Variants in CLNS1A observed in about 807,000 individuals in gnomAD.
CLNS1A encodes chloride nucleotide-sensitive channel 1A.
In CLNS1A, 16 loss-of-function variants were observed where a neutral mutation model predicts 29.4. That is an observed-to-expected ratio of 0.54 (90% CI 0.37 to 0.83). The LOEUF (loss-of-function observed/expected upper bound fraction) is 0.83. Ranked by LOEUF, CLNS1A falls within the 40% of genes least tolerant of loss-of-function variation. The probability of loss-of-function intolerance (pLI) is 0.00; values close to 1 mark genes in which losing one functional copy is unlikely to be tolerated. For synonymous variants in CLNS1A, 96 were observed against 104.8 expected (o/e 0.92, Z 0.51); for missense variants, 235 against 287.4 (o/e 0.82, Z 1.32).
At chr11:77,630,039 A>C (rs1565128811) in intron 1 of CLNS1A, 140 bp from the exon 2 acceptor site, 4 of 701,478 alleles carry the variant, frequency 5.7e-6, no homozygotes, top group Non-Finnish European at 9.0e-6. Flanking sequence ...TTCATAAAAT[A>C]AGAAAATTCA....
intron 4 of CLNS1A, among the ~76,000 whole-genome samples, chr11:77,624,687 C>T (rs1359804069): frequency 1.3e-5 from 2 of 152,036 alleles, no homozygotes; most frequent in African/African-American, 4.8e-5. Context: ...GGCGTGGTGG[C>T]GCATGCCTGT....
chr11:77,626,869 T>C lies in CLNS1A; in HGVS notation c.263-1051A>G, dbSNP rs1959025294. 7.6e-5 allele frequency among the ~76,000 whole-genome samples: 8 copies of C among 105,244 alleles called. No homozygotes were observed. In the Admixed American group the frequency reaches 8.4e-4, roughly 11 times the overall value. 69.0% of individuals were successfully genotyped at this position (105,244 alleles called of 152,430 possible). A position where few individuals can be genotyped will look rare whatever the true frequency, so the allele number is the denominator to read the frequency against. On this transcript the variant is annotated intron_variant, in intron 2 of 6. Coordinates refer to ENST00000525428, the MANE Select transcript of CLNS1A (RefSeq NM_001293.3). The stretch of plus-strand genomic sequence containing the variant: ...ACCACACCTGGCTAATTTTTTTGTA[T>C]TTTTTTTAGTAAAGACGGGGTTTCA...
chr11:77,621,159 G>T (rs1444578001), intron 5 of CLNS1A, among the ~76,000 whole-genome samples: 1 of 152,112 alleles, frequency 6.6e-6, no homozygotes, highest in Non-Finnish European at 1.5e-5. Flanking sequence ...AGCTGGGCAC[G>T]ATAGTAGTGG....
rs73500792 is a variant in CLNS1A at position 77,618,944 on chromosome 11, C to T, written c.*22+662G>A. On this transcript the variant is annotated intron_variant, in intron 6 of 6. Transcript: ENST00000525428. ...CTTTAGTAAAATAAAAGGAGGCTAGCGAGAGCATCTCAAAGACTGGAGGAT... is the reference window on the plus strand; with the variant it reads ...CTTTAGTAAAATAAAAGGAGGCTAGTGAGAGCATCTCAAAGACTGGAGGAT... 5.6e-3 allele frequency among the ~76,000 whole-genome samples: 850 copies of T among 152,224 alleles called. 9 individuals carry two copies. Among genetic ancestry groups the T allele is most frequent in the African/African-American group, 0.02 (814 of 41,536 alleles).
chr11:77,620,264 T>C (rs966282388), intron 5 of CLNS1A, among the ~76,000 whole-genome samples: 1 of 152,178 alleles, frequency 6.6e-6, no homozygotes, highest in African/African-American at 2.4e-5. Context: ...GTTCTCATAA[T>C]AATGAGTAAG....
In CLNS1A at chr11:77,615,090, A is replaced by G. The variant is rs909818052; in HGVS notation, c.*1628T>C. The G allele has an allele frequency of 6.6e-6, 1 of 152,234 alleles. No homozygotes were observed. Among genetic ancestry groups the G allele is most frequent in the Admixed American group, 6.5e-5 (1 of 15,290 alleles). The allele number at this position is 152,234 out of a possible 1,614,324, so 9.4% of individuals were successfully genotyped here. A position where few individuals can be genotyped will look rare whatever the true frequency, so the allele number is the denominator to read the frequency against. On this transcript the variant is annotated 3_prime_UTR_variant, in exon 7 of 7. Transcript: ENST00000525428. ...CAACAAGAAACCAAGTACACTCTGA[A>G]TCTTCTCGACATTTTGCTATCAGAG... is the stretch of plus-strand genomic sequence containing the variant.
rs376364645 is a variant in CLNS1A, at chr11:77,625,719, G to T, written c.362C>A (p.Ala121Glu). 1.7e-5 allele frequency: 27 copies of T among 1,609,764 alleles called. No individual in the cohort carries two copies. Among genetic ancestry groups the T allele is most frequent in the African/African-American group, 5.3e-5 (4 of 74,770 alleles). Residue 121 changes from alanine to glutamate, a missense_variant and splice_region_variant, in exon 3 of 7, where the codon GCG becomes GAG. Transcript: ENST00000525428. Reference protein sequence around the residue: ...EFRFVPSDKSALEAMFTAMCE... With the variant: ...EFRFVPSDKSELEAMFTAMCE... ...AATCAATACTGTAGAACACTCACAC[G>T]CTGATTTATCACTAGGCACAAATCT...
chr11:77,623,451 C>T (rs951476042), intron 4 of CLNS1A, among the ~76,000 whole-genome samples: 3 of 151,782 alleles, frequency 2.0e-5, no homozygotes, highest in South Asian at 2.1e-4. Flanking sequence ...TTTAATTAGC[C>T]GGGCACGTGG....
At chr11:77,631,461 C>T (rs562898084) in intron 1 of CLNS1A, among the ~76,000 whole-genome samples, 12 of 151,786 alleles carry the variant, frequency 7.9e-5, no homozygotes, top group African/African-American at 2.4e-4. Context: ...GCTGGGACTA[C>T]AGGCGCCCGC....
chr11:77,625,147 TACACAAAACGCCAC>T, intron 3 of CLNS1A, 77 bp from the exon 4 acceptor site: 1 of 976,582 alleles, frequency 1.0e-6, no homozygotes, highest in South Asian at 1.5e-5. Flanking sequence ...ATTTAATGGG[TACACAAAACGCCAC>T]AGTATTTACA....
chr11:77,635,099 C>A (rs72945586), intron 1 of CLNS1A, among the ~76,000 whole-genome samples: 2 of 152,096 alleles, frequency 1.3e-5, no homozygotes, highest in East Asian at 1.9e-4. Flanking sequence ...GCCACCTTGC[C>A]CAGGCTAAGA....
At chr11:77,636,830 C>G (rs946013895) in intron 1 of CLNS1A, among the ~76,000 whole-genome samples, 1 of 152,132 alleles carries the variant, frequency 6.6e-6, no homozygotes, top group Non-Finnish European at 1.5e-5. Flanking sequence ...TGTGTCATTA[C>G]AGGCTTCAAA....
At chr11:77,636,427 C>G (rs560025657) in intron 1 of CLNS1A, among the ~76,000 whole-genome samples, 1 of 152,322 alleles carries the variant, frequency 6.6e-6, no homozygotes, top group East Asian at 1.9e-4. Context: ...TTATCTGCCT[C>G]TCACCTCAAT....
chr11:77,637,702 T>G lies in CLNS1A; in HGVS notation c.13A>C (p.Lys5Gln), dbSNP rs1427383240. Residue 5 changes from lysine (K) to glutamine (Q), a missense_variant, in exon 1 of 7, where the codon AAA becomes CAA. Coordinates refer to ENST00000525428, the MANE Select transcript of CLNS1A (RefSeq NM_001293.3). ...GCTGGCCCAGGCGGCGGGAAACTTT[T>G]GAGGAAGCTCATAGCAGCAGAGTGC... Reference protein sequence around the residue: MSFLKSFPPPGPAEG... With the variant: MSFLQSFPPPGPAEG... 1 of 1,558,290 alleles carries G rather than the reference T, an allele frequency of 6.4e-7. No homozygotes were observed. Among genetic ancestry groups the G allele is most frequent in the Non-Finnish European group, 8.7e-7 (1 of 1,150,948 alleles).
intron 1 of CLNS1A, among the ~76,000 whole-genome samples, chr11:77,636,605 T>C (rs1313645978): frequency 2.0e-5 from 3 of 152,214 alleles, no homozygotes; most frequent in Non-Finnish European, 2.9e-5. Flanking sequence ...TCTGGTGTCA[T>C]GCGGGTGAAT....
intron 5 of CLNS1A, chr11:77,621,934 T>C (rs1455955199): frequency 1.1e-5 from 5 of 456,022 alleles, no homozygotes; most frequent in Non-Finnish European, 1.8e-5. Context: ...TAAACTCTTC[T>C]CTGGGTCTCC....
Position 77,625,833 on chromosome 11 carries a change from A to G in CLNS1A, c.263-15T>C. 6.5e-7 allele frequency: 1 copy of G among 1,531,444 alleles called. No homozygotes were observed. Among genetic ancestry groups the G allele is most frequent in the Non-Finnish European group, 9.0e-7 (1 of 1,111,252 alleles). 94.9% of individuals were successfully genotyped at this position (1,531,444 alleles called of 1,614,324 possible). A position where few individuals can be genotyped will look rare whatever the true frequency, so the allele number is the denominator to read the frequency against. ...TTTTGATTCTTCTAGAAAATAAAAT[A>G]CCCTTTTAATGTCATTATTTGACTT... is the stretch of plus-strand genomic sequence containing the variant. On this transcript the variant is annotated splice_polypyrimidine_tract_variant and intron_variant, in intron 2 of 6. Coordinates refer to ENST00000525428, the MANE Select transcript of CLNS1A (RefSeq NM_001293.3).
intron 6 of CLNS1A, chr11:77,618,780 A>G (rs2135758706): frequency 6.6e-6 from 1 of 152,382 alleles, no homozygotes; most frequent in East Asian, 1.9e-4. Flanking sequence ...TAAAATCTGT[A>G]TCAGAAGAAA....
At position 77,619,522 on chromosome 11, in the gene CLNS1A, T is replaced by C. The variant is rs1383725680; in HGVS notation, c.*22+84A>G. ...CTGGGTGACAGAGTAAGACCCTGTC[T>C]CAAGAAAGAATTTTAAAAAGTAGAA... is the stretch of plus-strand genomic sequence containing the variant. On this transcript the variant is annotated intron_variant, in intron 6 of 6. Coordinates refer to ENST00000525428, the MANE Select transcript of CLNS1A (RefSeq NM_001293.3). 5 of 925,518 alleles carry C rather than the reference T, an allele frequency of 5.4e-6. No homozygotes were observed. The African/African-American group carries it at 6.6e-5, about 12-fold the overall frequency. The allele number at this position is 925,518 out of a possible 1,614,324, so 57.3% of individuals were successfully genotyped here.
Sources: allele counts gnomAD v4.1 joint callset (sites outside exome capture counted in the v4.1 genomes callset), GRCh38; gene constraint gnomAD v4.1.1; transcripts MANE v1.5; gene names NCBI Gene and HGNC (gene_info 2026-07-23, HGNC 2026-07-21).